Variants in PRH1 observed in about 807,000 individuals in gnomAD.
PRH1 encodes proline rich protein HaeIII subfamily 1.
A neutral mutation model predicts 7.9 loss-of-function variants in PRH1; 7 were observed. The observed-to-expected ratio is 0.89, with a 90% CI of 0.50 to 1.67. PRH1 has a LOEUF of 1.67. PRH1 is among the 40% of genes most tolerant of loss of function. The probability of loss-of-function intolerance (pLI) is 0.00; values close to 1 mark genes in which losing one functional copy is unlikely to be tolerated. For synonymous variants in PRH1, 45 were observed against 80.8 expected (o/e 0.56, Z 2.38); for missense variants, 109 against 223.6 (o/e 0.49, Z 3.27).
intron 3 of PRH1, 97 bp downstream of exon 3, chr12:10,882,120 G>T: frequency 6.4e-7 from 1 of 1,566,378 alleles, no homozygotes; most frequent in South Asian, 1.2e-5. Flanking sequence ...TCCAGGACAG[G>T]GCAATATTAA....
chr12:11,010,441 A>G (rs1283797251), intron 1 of PRH1, among the ~76,000 whole-genome samples: 1 of 151,896 alleles, frequency 6.6e-6, no homozygotes. Context: ...TAATTCTTAT[A>G]TTATTCTCAG....
At chr12:11,145,971 T>TTAGAAACGTTTCAGAAATATG (rs1386468545) in intron 1 of PRH1, among the ~76,000 whole-genome samples, 2 of 152,190 alleles carry the variant, frequency 1.3e-5, no homozygotes, top group Non-Finnish European at 2.9e-5. Flanking sequence ...ATGATTATTT[T>TTAGAAACGTTTCAGAAATATG]TAGAAACGTT....
intron 1 of PRH1, among the ~76,000 whole-genome samples, chr12:11,115,488 C>A (rs568707760): frequency 6.6e-6 from 1 of 152,248 alleles, no homozygotes; most frequent in South Asian, 2.1e-4. Context: ...TCAGACAGAT[C>A]CTCCAGACAG....
intron 1 of PRH1, among the ~76,000 whole-genome samples, chr12:11,080,872 T>C: frequency 1.7e-5 from 2 of 117,938 alleles, no homozygotes; most frequent in South Asian, 2.3e-4. Context: ...TATTTTCTGT[T>C]AAAATCAGGT....
chr12:11,132,233 A>T (rs1385230274), intron 1 of PRH1, among the ~76,000 whole-genome samples: 4 of 152,278 alleles, frequency 2.6e-5, no homozygotes, highest in Non-Finnish European at 5.9e-5. Context: ...ACACTAGGAC[A>T]AATCCCATAA....
intron 2 of PRH1, among the ~76,000 whole-genome samples, chr12:10,893,587 T>C (rs1367776559): frequency 6.6e-6 from 1 of 152,234 alleles, no homozygotes; most frequent in Non-Finnish European, 1.5e-5. Context: ...AGGGATTTCA[T>C]CCTTTGCACA....
At chr12:10,985,915 T>C in intron 1 of PRH1, 1 of 1,529,680 alleles carries the variant, frequency 6.5e-7, no homozygotes, top group Non-Finnish European at 8.8e-7. Context: ...ACACACACAA[T>C]GTCCCACTTG....
intron 1 of PRH1, chr12:11,031,551 G>C: frequency 1.9e-6 from 1 of 536,640 alleles, no homozygotes; most frequent in Non-Finnish European, 3.1e-6. Flanking sequence ...GGAGGAAGGC[G>C]ACCCAGGCAG....
intron 1 of PRH1, among the ~76,000 whole-genome samples, chr12:11,166,861 G>A (rs74896032): frequency 1.3e-5 from 2 of 152,176 alleles, no homozygotes; most frequent in African/African-American, 4.8e-5. Flanking sequence ...GCTCTAGGAA[G>A]GAATCCATTT....
At position 11,052,409 on chromosome 12, in the gene PRH1, A is replaced by G. The variant is rs149007994; in HGVS notation, n.124-5221T>C. Among the ~76,000 whole-genome samples, 97 of 74,120 alleles carry G rather than the reference A, an allele frequency of 1.3e-3. No homozygotes were observed. In the East Asian group the frequency reaches 0.041, roughly 31 times the overall value. 48.6% of individuals were successfully genotyped at this position (74,120 alleles called of 152,430 possible). A position where few individuals can be genotyped will look rare whatever the true frequency, so the allele number is the denominator to read the frequency against. On this transcript the variant is annotated intron_variant and non_coding_transcript_variant, in intron 1 of 4. Transcript: ENST00000541977. ...TGTATTTAGAATGCAATTCTTATCA[A>G]CATACTCTATCTTCTACCTCTAGCT...
At chr12:11,030,131 A>G (rs187698497) in intron 1 of PRH1, among the ~76,000 whole-genome samples, 1 of 152,278 alleles carries the variant, frequency 6.6e-6, no homozygotes. Flanking sequence ...ATTCTAAGAA[A>G]TTTTTGTCAT....
chr12:10,906,867 G>A (rs1949812371), intron 2 of PRH1, among the ~76,000 whole-genome samples: 1 of 152,062 alleles, frequency 6.6e-6, no homozygotes, highest in African/African-American at 2.4e-5. Flanking sequence ...ACTATATAAA[G>A]AACATTTACA....
intron 1 of PRH1, chr12:10,997,585 C>G (rs1315511744): frequency 1.2e-6 from 2 of 1,613,966 alleles, no homozygotes; most frequent in East Asian, 2.2e-5. Context: ...TAGTAGCAAG[C>G]CAGATGCTGA....
chr12:11,103,525 T>A (rs972575952), intron 1 of PRH1, among the ~76,000 whole-genome samples: 7 of 147,134 alleles, frequency 4.8e-5, no homozygotes, highest in Non-Finnish European at 1.0e-4. Flanking sequence ...AACATCACAC[T>A]CTGGGGCCTG....
At chr12:11,101,667 G>A (rs1945251567) in intron 1 of PRH1, among the ~76,000 whole-genome samples, 1 of 151,814 alleles carries the variant, frequency 6.6e-6, no homozygotes, top group African/African-American at 2.4e-5. Context: ...TTTTTATTGT[G>A]GAGCAAAACA....
In PRH1 at chr12:11,012,228, T is replaced by A. The variant is rs368857105; in HGVS notation, c.-126+34792A>T. 1.2e-4 allele frequency among the ~76,000 whole-genome samples: 19 copies of A among 152,242 alleles called. No homozygotes were observed. The East Asian group carries it at 3.7e-3, about 29-fold the overall frequency. ...AAGATGAATAGATGTTAAAAATCGG[T>A]CTTCAATATTGGATATTATTTCTTT... On this transcript the variant is annotated intron_variant, in intron 1 of 3. Coordinates refer to the PRH1 transcript ENST00000539853.
At chr12:11,004,123 T>A (rs2136025910) in intron 1 of PRH1, among the ~76,000 whole-genome samples, 1 of 152,202 alleles carries the variant, frequency 6.6e-6, no homozygotes, top group East Asian at 1.9e-4. Context: ...CTAGGAGCAG[T>A]GTATGAAAAT....
intron 1 of PRH1, among the ~76,000 whole-genome samples, chr12:11,125,987 A>G (rs1225784274): frequency 1.4e-4 from 21 of 152,068 alleles, no homozygotes; most frequent in African/African-American, 5.1e-4. Context: ...GGTGTCTACA[A>G]GAATGTTTTT....
intron 2 of PRH1, among the ~76,000 whole-genome samples, chr12:10,959,211 A>C (rs1297312247): frequency 6.6e-6 from 1 of 152,146 alleles, no homozygotes; most frequent in Non-Finnish European, 1.5e-5. Context: ...GGTCATTAGC[A>C]GAAGAGGGAA....
Sources: gnomAD v4.1 joint callset for allele counts (sites outside exome capture counted in the v4.1 genomes callset) on GRCh38, gnomAD v4.1.1 for gene constraint, MANE v1.5 for transcripts, NCBI Gene and HGNC (gene_info 2026-07-23, HGNC 2026-07-21) for gene names.